The following TMEM164 variants were observed in gnomAD, a reference collection of about 807,000 sequenced individuals.
TMEM164 encodes RP13-360B22.2.
In TMEM164, 4 loss-of-function variants were observed where a neutral mutation model predicts 18.8. The ratio of observed to expected loss-of-function variants is 0.21; its 90% CI spans 0.10 to 0.49. The LOEUF (loss-of-function observed/expected upper bound fraction) is 0.49. Ranked by LOEUF, TMEM164 falls within the 20% of genes least tolerant of loss-of-function variation. The pLI, the probability that TMEM164 is intolerant of heterozygous loss-of-function variation, is 0.98. For missense variants in TMEM164, 108 were observed against 239.9 expected, an observed-to-expected ratio of 0.45 and a Z score of 3.63; for synonymous variants, 86 against 101.7, an observed-to-expected ratio of 0.85 and a Z score of 0.93.
At chrX:110,116,020 G>C (rs2066358131) in intron 4 of TMEM164, among the ~76,000 whole-genome samples, 1 of 111,723 alleles carries the variant, frequency 9.0e-6, no homozygotes, top group East Asian at 2.8e-4. Context: ...TTGAGCCCAG[G>C]AGGTCGAGGC....
At chrX:110,149,048 A>T (rs1044371748) in intron 5 of TMEM164, among the ~76,000 whole-genome samples, 4 of 107,075 alleles carry the variant, frequency 3.7e-5, no homozygotes, top group Non-Finnish European at 5.8e-5. Flanking sequence ...CATGTGTGTT[A>T]TTATGTATGT....
chrX:110,117,449 A>C, intron 4 of TMEM164, among the ~76,000 whole-genome samples: 1 of 112,398 alleles, frequency 8.9e-6, no homozygotes, highest in South Asian at 3.6e-4. Flanking sequence ...TGTATATTTC[A>C]AAGTAGCTAG....
At chrX:110,017,463 T>TC (rs1233299248) in intron 2 of TMEM164, among the ~76,000 whole-genome samples, 16 of 67,891 alleles carry the variant, frequency 2.4e-4, no homozygotes, top group Non-Finnish European at 4.2e-4. Flanking sequence ...TCTCTCTCTC[T>TC]TTCTTTCCTT....
intron 3 of TMEM164, among the ~76,000 whole-genome samples, chrX:110,070,249 G>A (rs1180812978): frequency 9.0e-6 from 1 of 111,608 alleles, no homozygotes; most frequent in Non-Finnish European, 1.9e-5. Context: ...CCAGGAGGCG[G>A]ATGTTGCAGT....
intron 2 of TMEM164, among the ~76,000 whole-genome samples, chrX:110,062,143 A>G (rs768356606): frequency 3.6e-5 from 4 of 111,959 alleles, no homozygotes; most frequent in African/African-American, 1.3e-4. Flanking sequence ...AGCTGCAACA[A>G]TGACAGCCTG....
At chrX:110,040,567 C>T (rs894465265) in intron 2 of TMEM164, among the ~76,000 whole-genome samples, 4 of 111,865 alleles carry the variant, frequency 3.6e-5, no homozygotes, top group Non-Finnish European at 7.5e-5. Flanking sequence ...TTCATGATGA[C>T]AAGATGCAGG....
intron 3 of TMEM164, among the ~76,000 whole-genome samples, chrX:110,096,949 G>A (rs76060031): frequency 0.068 from 7,602 of 111,555 alleles, 607 homozygotes; most frequent in African/African-American, 0.22. Flanking sequence ...CTTAGATCCA[G>A]GGGTTTATAG....
At chrX:110,026,341 G>C (rs1934188136) in intron 2 of TMEM164, among the ~76,000 whole-genome samples, 1 of 111,846 alleles carries the variant, frequency 8.9e-6, no homozygotes, top group African/African-American at 3.3e-5. Flanking sequence ...AAAAGGGCGT[G>C]TTCCTCTACT....
At chrX:110,004,235 G>A in intron 2 of TMEM164, 71 bp downstream of exon 2, 2 of 1,097,858 alleles carry the variant, frequency 1.8e-6, no homozygotes, top group Non-Finnish European at 1.2e-6. Context: ...ACACTCCATA[G>A]TGTACAGCAC....
At chrX:110,113,261 T>C (rs138244177) in intron 4 of TMEM164, among the ~76,000 whole-genome samples, 1,198 of 112,568 alleles carry the variant, frequency 0.011, 12 homozygotes, top group African/African-American at 0.035. Flanking sequence ...GCTCTTTTTC[T>C]AAAGTGATGC....
chrX:110,098,529 T>G (rs973574425), intron 3 of TMEM164, among the ~76,000 whole-genome samples: 5 of 111,616 alleles, frequency 4.5e-5, no homozygotes, highest in Non-Finnish European at 7.5e-5. Context: ...TACCATCAAA[T>G]AGTTTTCCAA....
chrX:110,073,621 C>G (rs1400164865), intron 3 of TMEM164, among the ~76,000 whole-genome samples: 3 of 111,399 alleles, frequency 2.7e-5, no homozygotes, highest in Non-Finnish European at 5.6e-5. Flanking sequence ...TATACGGGTA[C>G]TTGTATCTTT....
At chrX:110,089,168 A>G (rs943135900) in intron 3 of TMEM164, among the ~76,000 whole-genome samples, 2 of 112,226 alleles carry the variant, frequency 1.8e-5, no homozygotes, top group African/African-American at 6.5e-5. Context: ...AAGAAATAAA[A>G]TATTATAGAA....
chrX:110,119,183 A>G (rs1239440523), intron 4 of TMEM164, among the ~76,000 whole-genome samples: 1 of 111,867 alleles, frequency 8.9e-6, no homozygotes, highest in Non-Finnish European at 1.9e-5. Context: ...AAAAATCATC[A>G]CCAATGCAAA....
chrX:110,082,264 G>A lies in TMEM164; in HGVS notation c.440+14868G>A, dbSNP rs376337128. The A allele has an allele frequency of 7.0e-5, 8 of 113,535 alleles. No individual in the cohort carries two copies. In the East Asian group the frequency reaches 1.1e-3, roughly 16 times the overall value. The allele number at this position is 113,535 out of a possible 1,213,427, so 9.4% of individuals were successfully genotyped here. ...TAGAATTCCAGCCTGGCAGTCTTCT[G>A]CCTCTGAAGGCCTCTTATCCTTCCT... On this transcript the variant is annotated intron_variant, in intron 3 of 6. Transcript: ENST00000372068.
At chrX:110,124,242 A>T (rs1301118927) in intron 4 of TMEM164, among the ~76,000 whole-genome samples, 4 of 109,612 alleles carry the variant, frequency 3.6e-5, no homozygotes, top group Non-Finnish European at 7.6e-5. Flanking sequence ...CTGGACGGAA[A>T]GAGGGAAGCA....
intron 2 of TMEM164, among the ~76,000 whole-genome samples, chrX:110,057,403 C>T (rs780609894): frequency 3.6e-5 from 4 of 111,306 alleles, no homozygotes; most frequent in African/African-American, 1.3e-4. Context: ...ATGCATCCAT[C>T]GATGAACATT....
At chrX:110,133,442 C>T (rs1340916496) in intron 4 of TMEM164, among the ~76,000 whole-genome samples, 4 of 112,155 alleles carry the variant, frequency 3.6e-5, no homozygotes, top group South Asian at 3.7e-4. Context: ...TGAGCCACCG[C>T]GCCCTGGACT....
At chrX:110,020,787 T>C in intron 2 of TMEM164, 12 of 548,570 alleles carry the variant, frequency 2.2e-5, no homozygotes, top group Non-Finnish European at 2.7e-5. Flanking sequence ...GGCATCAGTG[T>C]TGGTGGATAC....
Sources: allele counts gnomAD v4.1 joint callset (sites outside exome capture counted in the v4.1 genomes callset), GRCh38; gene constraint gnomAD v4.1.1; transcripts MANE v1.5; gene names NCBI Gene and HGNC (gene_info 2026-07-23, HGNC 2026-07-21).